Variants in AGBL4 observed in about 807,000 individuals in gnomAD.
AGBL4 encodes cytosolic carboxypeptidase 6.
Under a neutral mutation model 66.4 loss-of-function variants are expected in AGBL4, and 58 were observed. That is an observed-to-expected ratio of 0.87 (90% confidence interval 0.71 to 1.09). The LOEUF is 1.09. AGBL4 is among the 50% of genes least tolerant of loss of function. AGBL4 has a pLI of 0.00. For synonymous variants in AGBL4, 234 were observed against 222.9 expected (o/e 1.05, Z -0.44); for missense variants, 579 against 631.0 (o/e 0.92, Z 0.88).
At chr1:49,347,615 G>A (rs535079749) in intron 3 of AGBL4, among the ~76,000 whole-genome samples, 10 of 151,514 alleles carry the variant, frequency 6.6e-5, no homozygotes, top group South Asian at 4.2e-4. Flanking sequence ...ATCCCAGCAC[G>A]TTGGGAGGCT....
intron 6 of AGBL4, among the ~76,000 whole-genome samples, chr1:48,711,872 C>T (rs928209885): frequency 1.3e-5 from 2 of 152,182 alleles, no homozygotes; most frequent in African/African-American, 4.8e-5. Flanking sequence ...CAATCCTCCA[C>T]GCTGAAGCCA....
chr1:49,874,786 C>T (rs186015471), intron 1 of AGBL4, among the ~76,000 whole-genome samples: 1 of 152,012 alleles, frequency 6.6e-6, no homozygotes, highest in African/African-American at 2.4e-5. Flanking sequence ...ACTTCTCTAA[C>T]AATTTTTGTT....
intron 5 of AGBL4, among the ~76,000 whole-genome samples, chr1:48,892,119 C>T (rs1651032527): frequency 6.6e-6 from 1 of 152,094 alleles, no homozygotes; most frequent in Admixed American, 6.5e-5. Context: ...ATCTCAGAGG[C>T]AATAATTTTG....
chr1:49,716,312 TATCTGTTTTG>T (rs1202370480), intron 2 of AGBL4, among the ~76,000 whole-genome samples: 1 of 152,154 alleles, frequency 6.6e-6, no homozygotes. Flanking sequence ...TTGGTCTATA[TATCTGTTTTG>T]GTACCAGTAC....
intron 3 of AGBL4, among the ~76,000 whole-genome samples, chr1:49,628,447 C>T (rs2124342179): frequency 6.6e-6 from 1 of 152,250 alleles, no homozygotes; most frequent in Middle Eastern, 3.4e-3. Context: ...AGATCTTATG[C>T]TTTCTTCTTT....
At chr1:49,922,876 T>A (rs1652396784) in intron 1 of AGBL4, among the ~76,000 whole-genome samples, 1 of 152,188 alleles carries the variant, frequency 6.6e-6, no homozygotes, top group Non-Finnish European at 1.5e-5. Flanking sequence ...ATTTTTAAAA[T>A]GGCAATACTG....
chr1:48,984,945 G>A (rs1194222130), intron 5 of AGBL4, among the ~76,000 whole-genome samples: 1 of 152,000 alleles, frequency 6.6e-6, no homozygotes, highest in Non-Finnish European at 1.5e-5. Flanking sequence ...AGAGAGATTA[G>A]GATAAAGAGG....
At chr1:49,330,485 A>G (rs1494462) in intron 3 of AGBL4, among the ~76,000 whole-genome samples, 66,580 of 152,148 alleles carry the variant, frequency 0.44, 17,100 homozygotes, top group Non-Finnish European at 0.58. Flanking sequence ...AAGCATTTAA[A>G]TGAAGTTTGG....
chr1:49,843,628 T>C (rs1241106180), intron 2 of AGBL4, among the ~76,000 whole-genome samples: 2 of 152,174 alleles, frequency 1.3e-5, no homozygotes, highest in South Asian at 2.1e-4. Context: ...GATAATCCAG[T>C]ATAATTTCTC....
At chr1:49,559,633 T>C (rs187592784) in intron 3 of AGBL4, among the ~76,000 whole-genome samples, 16 of 152,290 alleles carry the variant, frequency 1.1e-4, no homozygotes, top group African/African-American at 3.6e-4. Flanking sequence ...CTGACTTTGA[T>C]CCTTCTACTG....
At chr1:49,731,627 C>T (rs993697369) in intron 2 of AGBL4, among the ~76,000 whole-genome samples, 2 of 152,040 alleles carry the variant, frequency 1.3e-5, no homozygotes, top group Non-Finnish European at 2.9e-5. Flanking sequence ...AGAAAGCAAT[C>T]ATTTCTAGAA....
chr1:49,228,936 C>A (rs1458086461), intron 4 of AGBL4, among the ~76,000 whole-genome samples: 1 of 152,178 alleles, frequency 6.6e-6, no homozygotes, highest in Non-Finnish European at 1.5e-5. Flanking sequence ...AGCCTCATCA[C>A]CTAGCACAGG....
chr1:49,721,185 A>G (rs1193319740), intron 2 of AGBL4, among the ~76,000 whole-genome samples: 2 of 152,072 alleles, frequency 1.3e-5, no homozygotes, highest in African/African-American at 4.8e-5. Flanking sequence ...AAAAAAAGGC[A>G]CTCTGATAAG....
intron 1 of AGBL4, among the ~76,000 whole-genome samples, chr1:50,010,472 A>G (rs1661451777): frequency 6.6e-6 from 1 of 150,956 alleles, no homozygotes; most frequent in African/African-American, 2.4e-5. Context: ...AACCACAAAC[A>G]CACACACACA....
chr1:48,574,633 G>A (rs1334696736), intron 11 of AGBL4, among the ~76,000 whole-genome samples: 1 of 149,788 alleles, frequency 6.7e-6, no homozygotes, highest in Non-Finnish European at 1.5e-5. Context: ...TGAGAGCAGT[G>A]GTCCTGACCT....
At chr1:49,253,185 AG>A (rs1221720913) in intron 3 of AGBL4, among the ~76,000 whole-genome samples, 4 of 152,208 alleles carry the variant, frequency 2.6e-5, no homozygotes, top group African/African-American at 9.7e-5. Flanking sequence ...TAACACACAT[AG>A]GCTCAAAATA....
chr1:49,724,036 T>C (rs543194983), intron 2 of AGBL4, among the ~76,000 whole-genome samples: 59 of 152,254 alleles, frequency 3.9e-4, no homozygotes, highest in Non-Finnish European at 7.8e-4. Context: ...TAGGAATGAT[T>C]AGGGATAAAA....
intron 3 of AGBL4, among the ~76,000 whole-genome samples, chr1:49,328,506 C>G (rs1645268894): frequency 6.6e-6 from 1 of 152,184 alleles, no homozygotes; most frequent in Non-Finnish European, 1.5e-5. Context: ...CTAGTCCTCT[C>G]TTTTTCTCAG....
chr1:48,780,599 A>G (rs1645269612), intron 6 of AGBL4, among the ~76,000 whole-genome samples: 1 of 152,210 alleles, frequency 6.6e-6, no homozygotes, highest in Non-Finnish European at 1.5e-5. Flanking sequence ...AATGGAACAG[A>G]ACAGAGGCCT....
Sources: allele counts gnomAD v4.1 joint callset (sites outside exome capture counted in the v4.1 genomes callset), GRCh38; gene constraint gnomAD v4.1.1; transcripts MANE v1.5; gene names NCBI Gene and HGNC (gene_info 2026-07-23, HGNC 2026-07-21).